The following ASIC2 variants were observed in gnomAD, a reference collection of about 807,000 sequenced individuals.
ASIC2 encodes the protein acid sensing ion channel subunit 2, also known as acid-sensing ion channel 2.
ASIC2 carries 25 observed loss-of-function variants against 57.3 expected under a neutral mutation model. That is an observed-to-expected ratio of 0.44 (90% CI 0.32 to 0.61). The LOEUF is 0.61. ASIC2 is among the 20% of genes least tolerant of loss of function. ASIC2 has a pLI of 0.06. For missense variants in ASIC2, 641 were observed against 738.1 expected (o/e 0.87, Z 1.52); for synonymous variants, 319 against 307.5 (o/e 1.04, Z -0.39).
chr17:34,035,612 A>C (rs78490511), intron 1 of ASIC2, among the ~76,000 whole-genome samples: 1 of 152,210 alleles, frequency 6.6e-6, no homozygotes, highest in East Asian at 1.9e-4. Context: ...AGAACAGGAA[A>C]AAATTTTTGC....
At chr17:34,144,007 T>A (rs1001246702) in intron 1 of ASIC2, among the ~76,000 whole-genome samples, 4 of 152,196 alleles carry the variant, frequency 2.6e-5, no homozygotes, top group Non-Finnish European at 4.4e-5. Flanking sequence ...ATTGTGAGGA[T>A]CAAATAGCAT....
At chr17:33,017,782 C>A in intron 7 of ASIC2, 98 bp from the exon 8 acceptor site, 1 of 1,132,072 alleles carries the variant, frequency 8.8e-7, no homozygotes, top group Non-Finnish European at 1.3e-6. Flanking sequence ...AATGGCGCCC[C>A]CTCCATGGGG....
chr17:33,446,789 G>A (rs1246651978), intron 1 of ASIC2, among the ~76,000 whole-genome samples: 2 of 152,154 alleles, frequency 1.3e-5, no homozygotes, highest in African/African-American at 2.4e-5. Context: ...TTTGAACCTA[G>A]TCAAAAGAAC....
At chr17:33,095,095 G>A (rs907068449) in intron 2 of ASIC2, among the ~76,000 whole-genome samples, 3 of 152,188 alleles carry the variant, frequency 2.0e-5, no homozygotes, top group Admixed American at 1.3e-4. Flanking sequence ...TGCATGGAAA[G>A]TTCTTAGCAC....
chr17:33,482,544 T>A (rs1913440392), intron 1 of ASIC2, among the ~76,000 whole-genome samples: 1 of 152,236 alleles, frequency 6.6e-6, no homozygotes, highest in South Asian at 2.1e-4. Flanking sequence ...ATGTTCACCT[T>A]CATTTTCTCA....
chr17:33,443,406 A>ATTTTTTTTTTTTTTTTTTTT (rs779597047), intron 1 of ASIC2, among the ~76,000 whole-genome samples: 3 of 75,232 alleles, frequency 4.0e-5, no homozygotes, highest in African/African-American at 1.1e-4. Context: ...GGAGGGTAAG[A>ATTTTTTTTTTTTTTTTTTTT]TTTTTTTTTT....
chr17:33,055,861 A>G (rs1397824522), intron 3 of ASIC2, among the ~76,000 whole-genome samples: 1 of 152,208 alleles, frequency 6.6e-6, no homozygotes, highest in Non-Finnish European at 1.5e-5. Context: ...TTAATTGAAT[A>G]GCAGAGCTGG....
At position 33,021,268 on chromosome 17, in the gene ASIC2, A is replaced by C; in HGVS notation, c.1392T>G (p.Asn464Lys). The stretch of plus-strand genomic sequence containing the variant: ...CCTTCTTCTGTTCAATTGTCTCATA[A>C]TTGAGAGCTTCAAAAAATATATCCA... ...LVLDIFFEAL[N>K]YETIEQKKAY... is the part of the protein sequence containing the mutation. The change falls in exon 7 of 10, where the codon AAT becomes AAG. Residue 464 changes from asparagine (N) to lysine (K), a missense_variant. Physicochemically the swap from Asn to Lys is moderately conservative, Grantham distance 94. Transcript: ENST00000225823. 1 of 1,613,234 alleles carries C rather than the reference A, an allele frequency of 6.2e-7. No individual in the cohort carries two copies. The highest frequency in any genetic ancestry group is 8.5e-7 in the Non-Finnish European group (1 of 1,179,952).
chr17:33,821,920 A>C (rs1188737000), intron 1 of ASIC2, among the ~76,000 whole-genome samples: 1 of 152,186 alleles, frequency 6.6e-6, no homozygotes, highest in Non-Finnish European at 1.5e-5. Context: ...GAGGTTGTGA[A>C]ATACTGTGGT....
At chr17:34,078,372 C>T (rs77877400) in intron 1 of ASIC2, among the ~76,000 whole-genome samples, 2,514 of 152,202 alleles carry the variant, frequency 0.017, 71 homozygotes, top group East Asian at 0.059. Flanking sequence ...GGAAAGTAAA[C>T]ACAGCTGAGC....
In ASIC2 at chr17:34,156,169, G is replaced by T. The variant is rs1358528034; in HGVS notation, c.364C>A (p.Gln122Lys). The T allele has an allele frequency of 2.5e-6, 4 of 1,614,140 alleles. No individual in the cohort carries two copies. Among genetic ancestry groups the T allele is most frequent in the Non-Finnish European group, 2.5e-6 (3 of 1,180,018 alleles). The change falls in exon 1 of 10, where the codon CAG becomes AAG. Residue 122 changes from glutamine to lysine, a missense_variant. Coordinates refer to the ASIC2 transcript ENST00000359872. The surrounding 1 kb of genome is among the most constrained non-coding windows in gnomAD (Gnocchi z 4.4). ...TCAGCCAGATGGGGGTCCGGGATCT[G>T]CAGGTTGACATCCAGCAGGGCCAGC...
chr17:33,550,178 A>C (rs1458373999), intron 1 of ASIC2, among the ~76,000 whole-genome samples: 1 of 152,190 alleles, frequency 6.6e-6, no homozygotes, highest in African/African-American at 2.4e-5. Context: ...GATAGTAATA[A>C]AGCATTGCTT....
chr17:34,122,402 A>T (rs887384126), intron 1 of ASIC2, among the ~76,000 whole-genome samples: 8 of 152,252 alleles, frequency 5.3e-5, no homozygotes. Flanking sequence ...AAGTCTCGCA[A>T]TTAAAAGTTA....
intron 3 of ASIC2, among the ~76,000 whole-genome samples, chr17:33,059,020 A>G (rs934762076): frequency 6.6e-6 from 1 of 152,192 alleles, no homozygotes; most frequent in African/African-American, 2.4e-5. Context: ...TGTTGAACAG[A>G]GAGGAGCAGC....
intron 1 of ASIC2, among the ~76,000 whole-genome samples, chr17:33,983,056 C>T (rs1905683790): frequency 1.3e-5 from 2 of 152,270 alleles, no homozygotes; most frequent in South Asian, 4.1e-4. Flanking sequence ...CAAAAGAAAC[C>T]AATTAGGAGC....
At chr17:33,502,679 A>AC (rs1914137533) in intron 1 of ASIC2, among the ~76,000 whole-genome samples, 1 of 152,196 alleles carries the variant, frequency 6.6e-6, no homozygotes, top group Non-Finnish European at 1.5e-5. Context: ...CAACCATGCC[A>AC]CCAAACAGCT....
intron 1 of ASIC2, among the ~76,000 whole-genome samples, chr17:33,896,751 T>C (rs940629788): frequency 6.6e-6 from 1 of 152,240 alleles, no homozygotes; most frequent in African/African-American, 2.4e-5. Context: ...GCATTTATGA[T>C]AGGCGAAACA....
At chr17:33,719,197 G>A (rs1418613867) in intron 1 of ASIC2, among the ~76,000 whole-genome samples, 1 of 152,208 alleles carries the variant, frequency 6.6e-6, no homozygotes, top group Non-Finnish European at 1.5e-5. Flanking sequence ...TGATGGATTG[G>A]CCCTCATGCC....
At chr17:33,296,338 C>T (rs1253586805), upstream of ASIC2, among the ~76,000 whole-genome samples, 1 of 152,096 alleles carries the variant, frequency 6.6e-6, no homozygotes, top group Non-Finnish European at 1.5e-5. Flanking sequence ...GTCACTCCAT[C>T]CCTGTGTTCT....
Sources: gnomAD v4.1 joint callset for allele counts (sites outside exome capture counted in the v4.1 genomes callset) on GRCh38, gnomAD v4.1.1 for gene constraint, Gnocchi (gnomAD v3.1) non-coding constraint, MANE v1.5 for transcripts, NCBI Gene and HGNC (gene_info 2026-07-23, HGNC 2026-07-21) for gene names.